The following NCAM2 variants were observed in gnomAD, a reference collection of about 807,000 sequenced individuals.
NCAM2 encodes neural cell adhesion molecule 2.
NCAM2 carries 30 observed loss-of-function variants against 98.1 expected under a neutral mutation model. The observed-to-expected ratio is 0.31, with a 90% confidence interval of 0.23 to 0.41. The LOEUF (loss-of-function observed/expected upper bound fraction) is 0.41. Among genes scored for constraint, NCAM2 ranks in the 10% least tolerant of loss-of-function variants. NCAM2 has a pLI of 1.00. For missense variants in NCAM2, 867 were observed against 1,005.8 expected (o/e 0.86, Z 1.87); for synonymous variants, 368 against 342.4 (o/e 1.07, Z -0.83).
At chr21:21,208,261 T>C (rs530978880) in intron 1 of NCAM2, among the ~76,000 whole-genome samples, 2 of 152,316 alleles carry the variant, frequency 1.3e-5, no homozygotes, top group African/African-American at 4.8e-5. Context: ...CAATGGTGTA[T>C]GACCTTGAGT....
intron 7 of NCAM2, 94 bp from the exon 8 acceptor site, chr21:21,338,295 A>G (rs2074932867): frequency 6.9e-6 from 8 of 1,167,530 alleles, no homozygotes; most frequent in Non-Finnish European, 9.9e-6. Flanking sequence ...ATATCATACT[A>G]TACTATAGTA....
chr21:21,284,648 T>G lies in NCAM2; in HGVS notation c.337+248T>G, dbSNP rs2073041091. Among the ~76,000 whole-genome samples the G allele has an allele frequency of 2.0e-5, 3 of 151,732 alleles. No individual in the cohort carries two copies. In the South Asian group the frequency reaches 6.2e-4, roughly 31 times the overall value. The stretch of plus-strand genomic sequence containing the variant: ...AAAATGTTTTCATTTTCTCAAGCCA[T>G]TAAGAATTCACTGGGTATATAGAGA... On this transcript the variant is annotated intron_variant, in intron 3 of 17. Coordinates refer to ENST00000400546, the MANE Select transcript of NCAM2 (RefSeq NM_004540.5).
chr21:21,088,972 A>G (rs7510223), intron 1 of NCAM2, among the ~76,000 whole-genome samples: 4,830 of 148,274 alleles, frequency 0.033, 130 homozygotes, highest in Non-Finnish European at 0.048. Context: ...CTCTGTCTCA[A>G]AAAAAAAAAA....
chr21:21,062,812 TC>T (rs1265565674), intron 1 of NCAM2, among the ~76,000 whole-genome samples: 1 of 152,206 alleles, frequency 6.6e-6, no homozygotes, highest in East Asian at 1.9e-4. Context: ...AGAAAAAAAT[TC>T]CTAAGTTTAT....
intron 1 of NCAM2, among the ~76,000 whole-genome samples, chr21:21,033,798 T>G (rs2064740463): frequency 6.6e-6 from 1 of 152,202 alleles, no homozygotes; most frequent in South Asian, 2.1e-4. Context: ...CCTGGCTGTT[T>G]ATTTCACAAA....
intron 1 of NCAM2, among the ~76,000 whole-genome samples, chr21:21,093,960 C>A (rs2066066111): frequency 6.6e-6 from 1 of 151,890 alleles, no homozygotes; most frequent in Admixed American, 6.6e-5. Flanking sequence ...AAGTAAATTT[C>A]TCTGAGTGGG....
chr21:21,515,272 G>T (rs1022228987), intron 16 of NCAM2, among the ~76,000 whole-genome samples: 1 of 152,122 alleles, frequency 6.6e-6, no homozygotes. Context: ...TTCTGCACGA[G>T]TCCAAAGAGG....
chr21:21,226,143 C>A (rs2070373149), intron 1 of NCAM2, among the ~76,000 whole-genome samples: 1 of 151,776 alleles, frequency 6.6e-6, no homozygotes, highest in East Asian at 1.9e-4. Context: ...ACAATAGACA[C>A]GGGATTTCAA....
intron 15 of NCAM2, among the ~76,000 whole-genome samples, chr21:21,490,392 A>C: frequency 6.6e-6 from 1 of 151,948 alleles, no homozygotes. Context: ...TTTAATTGTG[A>C]ACTAATCTAA....
chr21:21,341,921 C>T (rs930611856), intron 8 of NCAM2, among the ~76,000 whole-genome samples: 14 of 152,008 alleles, frequency 9.2e-5, no homozygotes, highest in African/African-American at 3.4e-4. Context: ...CTGAGGGGGA[C>T]AATGGTGAAC....
intron 1 of NCAM2, among the ~76,000 whole-genome samples, chr21:21,021,946 T>C (rs1260729353): frequency 6.6e-6 from 1 of 152,094 alleles, no homozygotes; most frequent in Non-Finnish European, 1.5e-5. Flanking sequence ...TAAATAGTTT[T>C]TGAAAAAATA....
chr21:21,166,314 T>C (rs1280066736), intron 1 of NCAM2, among the ~76,000 whole-genome samples: 1 of 152,078 alleles, frequency 6.6e-6, no homozygotes, highest in Non-Finnish European at 1.5e-5. Flanking sequence ...TTCAAGCAAT[T>C]CTCTTGCCTC....
At chr21:21,486,684 G>A (rs371904034) in intron 15 of NCAM2, among the ~76,000 whole-genome samples, 1 of 152,088 alleles carries the variant, frequency 6.6e-6, no homozygotes, top group African/African-American at 2.4e-5. Context: ...TTTTTTTGGA[G>A]ATCACGGAAT....
intron 2 of NCAM2, among the ~76,000 whole-genome samples, chr21:21,281,087 G>C (rs2072912951): frequency 6.6e-6 from 1 of 151,992 alleles, no homozygotes; most frequent in South Asian, 2.1e-4. Context: ...CATCATACCT[G>C]GCCATTGTTG....
intron 1 of NCAM2, among the ~76,000 whole-genome samples, chr21:21,040,387 G>A (rs1024471147): frequency 6.6e-6 from 1 of 151,978 alleles, no homozygotes; most frequent in African/African-American, 2.4e-5. Flanking sequence ...GTGTGCGTGG[G>A]TGTGTATAAT....
intron 12 of NCAM2, among the ~76,000 whole-genome samples, chr21:21,452,025 T>G (rs1422130765): frequency 6.6e-6 from 1 of 152,064 alleles, no homozygotes; most frequent in Non-Finnish European, 1.5e-5. Flanking sequence ...CCTACTCTAT[T>G]TCTTGATGCT....
At chr21:21,017,424 C>CAAAAAAAA (rs11461275) in intron 1 of NCAM2, among the ~76,000 whole-genome samples, 34 of 58,710 alleles carry the variant, frequency 5.8e-4, no homozygotes, top group African/African-American at 1.1e-3. Context: ...GACTCTGTCT[C>CAAAAAAAA]AAAAAAAAAA....
chr21:21,265,144 A>G (rs1216096486), intron 1 of NCAM2, among the ~76,000 whole-genome samples: 1 of 114,854 alleles, frequency 8.7e-6, no homozygotes, highest in Non-Finnish European at 1.6e-5. Context: ...CATATATAAT[A>G]TATATACATA....
chr21:21,304,676 A>G (rs2073826885), intron 5 of NCAM2, among the ~76,000 whole-genome samples: 3 of 152,126 alleles, frequency 2.0e-5, no homozygotes, highest in Admixed American at 6.6e-5. Flanking sequence ...ATCCACTACC[A>G]TAACTTTGAT....
Sources: gnomAD v4.1 joint callset for allele counts (sites outside exome capture counted in the v4.1 genomes callset) on GRCh38, gnomAD v4.1.1 for gene constraint, MANE v1.5 for transcripts, NCBI Gene and HGNC (gene_info 2026-07-23, HGNC 2026-07-21) for gene names.